The following PPP3CB variants were observed in gnomAD, a reference collection of about 807,000 sequenced individuals.
PPP3CB encodes protein phosphatase 3 catalytic subunit beta.
PPP3CB carries 8 observed loss-of-function variants against 66.4 expected under a neutral mutation model. The observed-to-expected ratio is 0.12, with a 90% CI of 0.07 to 0.22. PPP3CB has a LOEUF of 0.22. PPP3CB is among the 10% of genes least tolerant of loss of function. The probability of loss-of-function intolerance (pLI) is 1.00; values close to 1 mark genes in which losing one functional copy is unlikely to be tolerated. For synonymous variants in PPP3CB, 208 were observed against 221.2 expected (o/e 0.94, Z 0.53); for missense variants, 319 against 642.5 (o/e 0.50, Z 5.44).
At chr10:73,471,318 T>G (rs2056698641) in intron 5 of PPP3CB, 109 bp from the exon 6 acceptor site, 1 of 1,349,790 alleles carries the variant, frequency 7.4e-7, no homozygotes, top group Non-Finnish European at 1.0e-6. Context: ...TATATTATTG[T>G]GAATAAACAG....
In PPP3CB at chr10:73,436,584, C is replaced by A. The variant is rs2056076225; in HGVS notation, c.*1658G>T. Reference sequence around the variant, plus strand: ...ACTTAGGAGGCCTACAGTAGGCATTCAAAGTCCTCTAGTGCTCAGTTACTA... The same window carrying A: ...ACTTAGGAGGCCTACAGTAGGCATTAAAAGTCCTCTAGTGCTCAGTTACTA... On this transcript the variant is annotated 3_prime_UTR_variant, in exon 14 of 14. Coordinates refer to ENST00000360663, the MANE Select transcript of PPP3CB (RefSeq NM_021132.4). 1.3e-5 allele frequency: 2 copies of A among 152,120 alleles called. No homozygotes were observed. The highest frequency in any genetic ancestry group is 4.1e-4 in the South Asian group (2 of 4,828). 9.4% of individuals were successfully genotyped at this position (152,120 alleles called of 1,614,324 possible).
At chr10:73,442,803 C>A (rs974377278) in intron 12 of PPP3CB, among the ~76,000 whole-genome samples, 9 of 150,748 alleles carry the variant, frequency 6.0e-5, no homozygotes, top group Non-Finnish European at 1.0e-4. Flanking sequence ...TTCAGATATA[C>A]CAGTGGTGGT....
chr10:73,444,704 C>A, intron 12 of PPP3CB, 21 bp downstream of exon 12: 1 of 1,614,054 alleles, frequency 6.2e-7, no homozygotes. Context: ...TGAGGCACAG[C>A]AAGTTGCATA....
rs540946322 is a variant in PPP3CB, at chr10:73,476,102, C to T, written c.412-1072G>A. Among the ~76,000 whole-genome samples the T allele has an allele frequency of 2.6e-4, 39 of 151,428 alleles. No homozygotes were observed. In the South Asian group the frequency reaches 7.8e-3, roughly 30 times the overall value. Reference sequence around the variant, plus strand: ...TCTCGAACTCCCAGGTTCAAGCAATCTGCCTGACTTGGCCAACCTGTGCTG... The same window carrying T: ...TCTCGAACTCCCAGGTTCAAGCAATTTGCCTGACTTGGCCAACCTGTGCTG... On this transcript the variant is annotated intron_variant, in intron 3 of 13. Coordinates refer to ENST00000360663, the MANE Select transcript of PPP3CB (RefSeq NM_021132.4).
intron 9 of PPP3CB, among the ~76,000 whole-genome samples, chr10:73,464,206 G>A (rs545503533): frequency 6.6e-6 from 1 of 152,234 alleles, no homozygotes; most frequent in African/African-American, 2.4e-5. Context: ...GGGATTACAG[G>A]CATGAGCCAC....
chr10:73,495,344 G>A (rs1187893199), intron 1 of PPP3CB, among the ~76,000 whole-genome samples: 3 of 152,224 alleles, frequency 2.0e-5, no homozygotes, highest in African/African-American at 4.8e-5. Context: ...TAGGGCGGAC[G>A]ACTGTCACCG....
chr10:73,446,721 TA>T, intron 10 of PPP3CB, 148 bp from the exon 11 acceptor site: 2 of 671,598 alleles, frequency 3.0e-6, no homozygotes, highest in South Asian at 1.8e-5. Flanking sequence ...GAACTCATGC[TA>T]AAAAATGTCT....
intron 9 of PPP3CB, among the ~76,000 whole-genome samples, chr10:73,461,974 C>T (rs1259070534): frequency 1.3e-5 from 2 of 151,904 alleles, no homozygotes; most frequent in Non-Finnish European, 2.9e-5. Flanking sequence ...TTTTAAGTAT[C>T]TGGCATCTTC....
At chr10:73,490,710 A>G (rs1182758961) in intron 1 of PPP3CB, among the ~76,000 whole-genome samples, 3 of 152,084 alleles carry the variant, frequency 2.0e-5, no homozygotes, top group Admixed American at 6.6e-5. Context: ...TTTTAAGGTA[A>G]CTTGTTACCA....
chr10:73,482,316 G>A (rs555150540), intron 1 of PPP3CB, among the ~76,000 whole-genome samples: 3 of 151,540 alleles, frequency 2.0e-5, no homozygotes, highest in South Asian at 2.1e-4. Context: ...AGGCCAAGAC[G>A]GGCAGATCAT....
chr10:73,443,573 A>G (rs12775630), intron 12 of PPP3CB, among the ~76,000 whole-genome samples: 1 of 152,192 alleles, frequency 6.6e-6, no homozygotes, highest in Non-Finnish European at 1.5e-5. Flanking sequence ...AGTGACTACA[A>G]GAAATTCAGG....
At chr10:73,454,157 T>C (rs1392140022) in intron 10 of PPP3CB, among the ~76,000 whole-genome samples, 1 of 152,226 alleles carries the variant, frequency 6.6e-6, no homozygotes, top group African/African-American at 2.4e-5. Flanking sequence ...ACTTCAATTT[T>C]CCTTTCCTTA....
intron 13 of PPP3CB, among the ~76,000 whole-genome samples, chr10:73,438,884 G>A (rs78686744): frequency 0.045 from 6,782 of 152,168 alleles, 460 homozygotes; most frequent in African/African-American, 0.15. Flanking sequence ...CTTGGGAGGA[G>A]AAAGAGTTAA....
intron 10 of PPP3CB, among the ~76,000 whole-genome samples, chr10:73,451,280 A>C (rs1284490350): frequency 6.6e-6 from 1 of 152,034 alleles, no homozygotes; most frequent in Non-Finnish European, 1.5e-5. Context: ...TAAAAGTAAT[A>C]GAAAACAAAC....
At chr10:73,453,978 C>A (rs1461147804) in intron 10 of PPP3CB, among the ~76,000 whole-genome samples, 2 of 152,130 alleles carry the variant, frequency 1.3e-5, no homozygotes. Flanking sequence ...CACAATCACA[C>A]TAATTTAGAA....
intron 1 of PPP3CB, among the ~76,000 whole-genome samples, chr10:73,489,003 G>A (rs2057031373): frequency 1.3e-5 from 2 of 152,084 alleles, no homozygotes; most frequent in Admixed American, 1.3e-4. Flanking sequence ...AAAGAATAAA[G>A]AAAAAGAAAA....
chr10:73,484,790 G>A (rs1303966805), intron 1 of PPP3CB, among the ~76,000 whole-genome samples: 2 of 151,940 alleles, frequency 1.3e-5, no homozygotes, highest in Non-Finnish European at 2.9e-5. Context: ...GGTGGCTCAC[G>A]CCTGTAATCC....
At chr10:73,447,057 T>C (rs112363692) in intron 10 of PPP3CB, among the ~76,000 whole-genome samples, 2 of 152,240 alleles carry the variant, frequency 1.3e-5, no homozygotes, top group African/African-American at 4.8e-5. Flanking sequence ...CATCAGACTA[T>C]GACAGAATAA....
rs563354540 is a variant in PPP3CB, at chr10:73,458,425, C to G, written c.1109-3936G>C. On this transcript the variant is annotated intron_variant, in intron 9 of 13. Coordinates refer to ENST00000360663, the MANE Select transcript of PPP3CB (RefSeq NM_021132.4). Reference sequence around the variant, plus strand: ...ATGCTGGGATTACAGGTGTGAGCCACCGCACCTGGCAAAAAAATTTTTTAA... The same window carrying G: ...ATGCTGGGATTACAGGTGTGAGCCAGCGCACCTGGCAAAAAAATTTTTTAA... 7.7e-4 allele frequency among the ~76,000 whole-genome samples: 117 copies of G among 152,124 alleles called. 2 individuals carry two copies. Among genetic ancestry groups the G allele is most frequent in the East Asian group, 7.7e-4 (4 of 5,168 alleles).
Sources: gnomAD v4.1 joint callset for allele counts (sites outside exome capture counted in the v4.1 genomes callset) on GRCh38, gnomAD v4.1.1 for gene constraint, MANE v1.5 for transcripts, NCBI Gene and HGNC (gene_info 2026-07-23, HGNC 2026-07-21) for gene names.